The following COL23A1 variants were observed in gnomAD, a reference collection of about 807,000 sequenced individuals.
COL23A1 encodes collagen type XXIII alpha 1 chain, also known as collagen alpha-1(XXIII) chain.
Under a neutral mutation model 99.3 loss-of-function variants are expected in COL23A1, and 97 were observed. That is an observed-to-expected ratio of 0.98 (90% CI 0.83 to 1.16). The LOEUF (loss-of-function observed/expected upper bound fraction) is 1.16, where lower values mean the gene tolerates loss of function less well. Ranked by LOEUF, COL23A1 falls within the 50% of genes most tolerant of loss-of-function variation. COL23A1 has a pLI of 0.00. For missense variants in COL23A1, 762 were observed against 757.4 expected (o/e 1.01, Z -0.07); for synonymous variants, 320 against 308.2 (o/e 1.04, Z -0.40).
chr5:178,391,954 T>C (rs1346300238), intron 2 of COL23A1, among the ~76,000 whole-genome samples: 1 of 152,128 alleles, frequency 6.6e-6, no homozygotes, highest in Non-Finnish European at 1.5e-5. Context: ...AACATTACGC[T>C]AAGTGAAAGA....
intron 2 of COL23A1, among the ~76,000 whole-genome samples, chr5:178,400,436 T>G (rs531125614): frequency 7.4e-6 from 1 of 135,322 alleles, no homozygotes; most frequent in Non-Finnish European, 1.6e-5. Context: ...GTTCTTTGTG[T>G]TTTGACAATC....
intron 2 of COL23A1, among the ~76,000 whole-genome samples, chr5:178,458,363 C>T (rs1029863835): frequency 2.6e-5 from 4 of 152,104 alleles, no homozygotes; most frequent in Non-Finnish European, 4.4e-5. Context: ...GTAACAGAGC[C>T]GGGCACGGTG....
chr5:178,560,788 A>C lies in COL23A1; in HGVS notation c.295-40T>G, dbSNP rs1762522627. On this transcript the variant is annotated intron_variant, in intron 1 of 28. Coordinates refer to ENST00000390654, the MANE Select transcript of COL23A1 (RefSeq NM_173465.4). ...AAAAAAGAAAAAAAACGAGGAGAGA[A>C]TGAGTTTCAGAACAGAGAGGGGTAA... The C allele has an allele frequency of 2.5e-6, 4 of 1,573,168 alleles. No homozygotes were observed. The East Asian group carries it at 6.8e-5, about 27-fold the overall frequency.
intron 2 of COL23A1, among the ~76,000 whole-genome samples, chr5:178,346,635 T>C (rs1400795595): frequency 6.6e-6 from 1 of 152,230 alleles, no homozygotes; most frequent in Admixed American, 6.5e-5. Flanking sequence ...TTCCCCACAA[T>C]CTGACTCTTG....
intron 3 of COL23A1, among the ~76,000 whole-genome samples, chr5:178,302,336 T>G (rs2973793): frequency 0.081 from 5,164 of 64,032 alleles, 3 homozygotes; most frequent in Non-Finnish European, 0.16. Flanking sequence ...GGAGCACGGC[T>G]TCAATCCACC....
chr5:178,404,743 G>A (rs755801369), intron 2 of COL23A1, among the ~76,000 whole-genome samples: 6 of 152,104 alleles, frequency 3.9e-5, no homozygotes, highest in Non-Finnish European at 7.4e-5. Context: ...AGAGGCTCAC[G>A]TGATATTGAG....
intron 13 of COL23A1, 105 bp from the exon 14 acceptor site, chr5:178,257,033 T>G: frequency 2.0e-6 from 2 of 977,916 alleles, no homozygotes; most frequent in Admixed American, 4.3e-5. Context: ...CGATTAGGCC[T>G]CCTGGCAAAT....
chr5:178,486,413 C>T (rs1023562437), intron 2 of COL23A1, among the ~76,000 whole-genome samples: 1 of 152,096 alleles, frequency 6.6e-6, no homozygotes, highest in Non-Finnish European at 1.5e-5. Context: ...GAGGGTGAAC[C>T]GTGATGAGAA....
At chr5:178,524,315 C>T (rs1438306256) in intron 2 of COL23A1, among the ~76,000 whole-genome samples, 3 of 152,200 alleles carry the variant, frequency 2.0e-5, no homozygotes, top group Admixed American at 1.3e-4. Flanking sequence ...TGCCCGCTCT[C>T]CCCAGTGGAA....
At chr5:178,526,849 G>A (rs79618806) in intron 2 of COL23A1, among the ~76,000 whole-genome samples, 318 of 152,314 alleles carry the variant, frequency 2.1e-3, no homozygotes, top group African/African-American at 7.5e-3. Flanking sequence ...GTGAAAGAAT[G>A]AGTCCATCGC....
Position 178,280,409 on chromosome 5 carries a change from C to A in COL23A1, c.441+7915G>T, listed in dbSNP as rs1756832595. ...TTGGTTCCCCCAATAGCTGAAGGGGCCGAGGCTTGGCGGGGCCAGGGACGT... is the reference window on the plus strand; with the variant it reads ...TTGGTTCCCCCAATAGCTGAAGGGGACGAGGCTTGGCGGGGCCAGGGACGT... On this transcript the variant is annotated intron_variant, in intron 5 of 28. Transcript: ENST00000390654. The surrounding 1 kb of genome is among the most constrained non-coding windows in gnomAD (Gnocchi z 4.9). 6.6e-6 allele frequency among the ~76,000 whole-genome samples: 1 copy of A among 152,096 alleles called. No individual in the cohort carries two copies. The highest frequency in any genetic ancestry group is 6.5e-5 in the Admixed American group (1 of 15,270).
intron 2 of COL23A1, among the ~76,000 whole-genome samples, chr5:178,529,480 T>C (rs1760516260): frequency 6.6e-6 from 1 of 152,140 alleles, no homozygotes; most frequent in Non-Finnish European, 1.5e-5. Context: ...CTCCCTTCAG[T>C]CCTGGCACCC....
rs1756837592 is a variant in COL23A1 at position 178,280,473 on chromosome 5, C to T, written c.441+7851G>A. Among the ~76,000 whole-genome samples the T allele has an allele frequency of 6.6e-6, 1 of 152,190 alleles. No homozygotes were observed. Among genetic ancestry groups the T allele is most frequent in the East Asian group, 1.9e-4 (1 of 5,196 alleles). On this transcript the variant is annotated intron_variant, in intron 5 of 28. Coordinates refer to ENST00000390654, the MANE Select transcript of COL23A1 (RefSeq NM_173465.4). This position sits in a 1 kb window ranked among gnomAD's most constrained non-coding sequence, Gnocchi z 4.9. ...TGGACTATAGACCCCTGGGCCCATT[C>T]TGTCTCCACTGCATGGGCTGGACAT... is the stretch of plus-strand genomic sequence containing the variant.
chr5:178,296,085 A>C (rs1757725939), intron 3 of COL23A1, among the ~76,000 whole-genome samples: 1 of 152,228 alleles, frequency 6.6e-6, no homozygotes, highest in Non-Finnish European at 1.5e-5. Context: ...CTTGAACTTG[A>C]CAGTGGCTGG....
At chr5:178,298,413 A>G (rs1757862356) in intron 3 of COL23A1, among the ~76,000 whole-genome samples, 1 of 152,194 alleles carries the variant, frequency 6.6e-6, no homozygotes, top group Non-Finnish European at 1.5e-5. Context: ...AGTGTTTCCC[A>G]AAGGGTGTGT....
chr5:178,575,874 G>A (rs1025719390), intron 1 of COL23A1, among the ~76,000 whole-genome samples: 1 of 152,248 alleles, frequency 6.6e-6, no homozygotes, highest in Admixed American at 6.5e-5. Flanking sequence ...TGTGTCCTCA[G>A]AGAAACTCAC....
At chr5:178,273,615 C>A (rs75613490) in intron 5 of COL23A1, among the ~76,000 whole-genome samples, 10,925 of 152,290 alleles carry the variant, frequency 0.072, 488 homozygotes, top group East Asian at 0.11. Context: ...CGAGCCTGTG[C>A]CTGCACCGGC....
rs1758585071 is a variant in COL23A1, at chr5:178,309,987, A to C, written c.362-3068T>G. Among the ~76,000 whole-genome samples the C allele has an allele frequency of 6.6e-6, 1 of 152,204 alleles. No individual in the cohort carries two copies. The highest frequency in any genetic ancestry group is 6.5e-5 in the Admixed American group (1 of 15,290). ...AGAAGGGGACAGGCAGGGAGGCCTC[A>C]GGTCTCCTCACTGCTTCTGGGATTC... On this transcript the variant is annotated intron_variant, in intron 2 of 28. Transcript: ENST00000390654. The surrounding 1 kb of genome is among the most constrained non-coding windows in gnomAD (Gnocchi z 4.7).
intron 2 of COL23A1, among the ~76,000 whole-genome samples, chr5:178,373,093 G>A (rs1212760637): frequency 6.6e-6 from 1 of 151,906 alleles, no homozygotes; most frequent in Non-Finnish European, 1.5e-5. Context: ...CTAACACTAT[G>A]AGTACTGCCA....
Sources: gnomAD v4.1 joint callset for allele counts (sites outside exome capture counted in the v4.1 genomes callset) on GRCh38, gnomAD v4.1.1 for gene constraint, Gnocchi (gnomAD v3.1) non-coding constraint, MANE v1.5 for transcripts, NCBI Gene and HGNC (gene_info 2026-07-23, HGNC 2026-07-21) for gene names.